The following AP5B1 variants were observed in gnomAD, a reference collection of about 807,000 sequenced individuals.
The protein encoded by AP5B1 is adaptor related protein complex 5 subunit beta 1.
AP5B1 carries 3 observed loss-of-function variants against 5.7 expected under a neutral mutation model. That is an observed-to-expected ratio of 0.53 (90% CI 0.24 to 1.36). The LOEUF is 1.36. Ranked by LOEUF, AP5B1 falls within the 40% of genes most tolerant of loss-of-function variation. The probability of loss-of-function intolerance (pLI) is 0.17; values close to 1 mark genes in which losing one functional copy is unlikely to be tolerated. For missense variants in AP5B1, 1,310 were observed against 1,143.2 expected (o/e 1.15, Z -2.10); for synonymous variants, 696 against 555.5 (o/e 1.25, Z -3.56).
Position 65,780,205 on chromosome 11 carries a change from C to T in AP5B1, c.288G>A (p.Leu96=), listed in dbSNP as rs1857831982. Residue 96 remains leucine (L), a synonymous_variant, in exon 2 of 2, where the codon CTG becomes CTA. Transcript: ENST00000532090. ...CCAGGGCAGTGGTGGCCGCCAGCAGCAGTGGCCGACGGAGAGCTGAGGGCC... is the reference window on the plus strand; with the variant it reads ...CCAGGGCAGTGGTGGCCGCCAGCAGTAGTGGCCGACGGAGAGCTGAGGGCC... ...PPRPSALRRP[L]LLAATTALAA... is the part of the protein sequence containing the mutation. The T allele has an allele frequency of 6.7e-7, 1 of 1,502,128 alleles. No individual in the cohort carries two copies. The highest frequency in any genetic ancestry group is 1.4e-5 in the African/African-American group (1 of 69,562). 93.0% of individuals were successfully genotyped at this position (1,502,128 alleles called of 1,614,324 possible). A position where few individuals can be genotyped will look rare whatever the true frequency, so the allele number is the denominator to read the frequency against.
Position 65,780,508 on chromosome 11 carries a change from C to T in AP5B1, c.84G>A (p.Glu28=), listed in dbSNP as rs1211188870. The change falls in exon 1 of 2, where the codon GAG becomes GAA. Residue 28 remains glutamate (E), a synonymous_variant. Coordinates refer to ENST00000532090, the MANE Select transcript of AP5B1 (RefSeq NM_138368.5). Reference sequence around the variant, plus strand: ...GCAGGTCGCGACCCAAATCCTCCCCCTCGGGACCTGCCATGAAGGCAGACG... The same window carrying T: ...GCAGGTCGCGACCCAAATCCTCCCCTTCGGGACCTGCCATGAAGGCAGACG... The part of the protein sequence containing the change: ...ASPSAFMAGP[E]GEDLGRDLLS... 2.6e-6 allele frequency: 4 copies of T among 1,519,936 alleles called. No homozygotes were observed. The highest frequency in any genetic ancestry group is 3.5e-6 in the Non-Finnish European group (4 of 1,140,648). 94.2% of individuals were successfully genotyped at this position (1,519,936 alleles called of 1,614,324 possible).
chr11:65,779,246 A>C lies in AP5B1; in HGVS notation c.1247T>G (p.Leu416Arg). 6.3e-7 allele frequency: 1 copy of C among 1,593,462 alleles called. No homozygotes were observed. Among genetic ancestry groups the C allele is most frequent in the Non-Finnish European group, 8.6e-7 (1 of 1,168,876 alleles). The change falls in exon 2 of 2, where the codon CTG becomes CGG. Residue 416 changes from leucine (L) to arginine (R), a missense_variant. Coordinates refer to ENST00000532090, the MANE Select transcript of AP5B1 (RefSeq NM_138368.5). ...GGCACAGAGCAGGCACAGTAAATGCAGGCGGGCCAGGAGGGCCATTGGGTC... is the reference window on the plus strand; with the variant it reads ...GGCACAGAGCAGGCACAGTAAATGCCGGCGGGCCAGGAGGGCCATTGGGTC... Reference protein sequence around the residue: ...LHDPMALLARLHLLCLLCAEE... With the variant: ...LHDPMALLARRHLLCLLCAEE...
chr11:65,780,013 G>A lies in AP5B1; in HGVS notation c.480C>T (p.Cys160=). 1 of 1,562,228 alleles carries A rather than the reference G, an allele frequency of 6.4e-7. No homozygotes were observed. The highest frequency in any genetic ancestry group is 8.7e-7 in the Non-Finnish European group (1 of 1,153,728). ...GGGAGCCCCCCAGCAGCCCGGGCTT[G>A]CAGCTCTCTAGCTCTCGCAGGCACT... ...ACECLRELES[C]KPGLLGGSLG... The change falls in exon 2 of 2, where the codon TGC becomes TGT. Residue 160 remains cysteine (C), a synonymous_variant. Transcript: ENST00000532090.
chr11:65,780,597 G>T lies in AP5B1; in HGVS notation c.-6C>A. 7.0e-7 allele frequency: 1 copy of T among 1,433,912 alleles called. No homozygotes were observed. The highest frequency in any genetic ancestry group is 9.1e-7 in the Non-Finnish European group (1 of 1,095,844). The allele number at this position is 1,433,912 out of a possible 1,614,324, so 88.8% of individuals were successfully genotyped here. On this transcript the variant is annotated 5_prime_UTR_variant, in exon 1 of 2. Coordinates refer to ENST00000532090, the MANE Select transcript of AP5B1 (RefSeq NM_138368.5). The stretch of plus-strand genomic sequence containing the variant: ...TCCCGGCTCAGGGGCCCCATGGTGA[G>T]GCGCGCGGGCCCCTGCGCAGGGAAG...
Position 65,780,021 on chromosome 11 carries a change from C to T in AP5B1, c.472G>A (p.Glu158Lys). The change falls in exon 2 of 2, where the codon GAG becomes AAG. Residue 158 changes from glutamate (E) to lysine (K), a missense_variant. Coordinates refer to ENST00000532090, the MANE Select transcript of AP5B1 (RefSeq NM_138368.5). ...ATACECLREL[E>K]SCKPGLLGGS... ...CCCAGCAGCCCGGGCTTGCAGCTCT[C>T]TAGCTCTCGCAGGCACTCGCAGGCC... The T allele has an allele frequency of 1.3e-6, 2 of 1,559,226 alleles. No individual in the cohort carries two copies. The highest frequency in any genetic ancestry group is 1.7e-6 in the Non-Finnish European group (2 of 1,152,112).
Position 65,779,143 on chromosome 11 carries a change from C to G in AP5B1, c.1350G>C (p.Gln450His). ...GGGGGCCCCCATCCAGGGCTGCCCG[C>G]TGCCGCAAGCCAGCCAGCAGCTCTT... Reference protein sequence around the residue: ...YLEELLAGLRQRAALDGGPRA... With the variant: ...YLEELLAGLRHRAALDGGPRA... Residue 450 changes from glutamine (Q) to histidine (H), a missense_variant, in exon 2 of 2, where the codon CAG (glutamine) becomes CAC (histidine). By Grantham distance (24) the Gln-to-His change is conservative. Coordinates refer to ENST00000532090, the MANE Select transcript of AP5B1 (RefSeq NM_138368.5). The G allele has an allele frequency of 6.2e-7, 1 of 1,610,100 alleles. No homozygotes were observed. Among genetic ancestry groups the G allele is most frequent in the Non-Finnish European group, 8.5e-7 (1 of 1,178,796 alleles).
At position 65,780,690 on chromosome 11, in the gene AP5B1, C is replaced by G; in HGVS notation, c.-99G>C. 8.2e-7 allele frequency: 1 copy of G among 1,214,968 alleles called. No individual in the cohort carries two copies. The highest frequency in any genetic ancestry group is 1.0e-6 in the Non-Finnish European group (1 of 962,274). 75.3% of individuals were successfully genotyped at this position (1,214,968 alleles called of 1,614,324 possible). On this transcript the variant is annotated 5_prime_UTR_variant, in exon 1 of 2. Transcript: ENST00000532090. ...GCCGACCCCGAGGGGCTGCGGTCAC[C>G]CCCAGACGCCGCGCAGATGCCGGCG...
rs1857786501 is a variant in AP5B1 at position 65,777,985 on chromosome 11, C to T, written c.2508G>A (p.Pro836=). The change falls in exon 2 of 2, where the codon CCG becomes CCA. Residue 836 remains proline, a synonymous_variant. Coordinates refer to ENST00000532090, the MANE Select transcript of AP5B1 (RefSeq NM_138368.5). ...CCAGCCGCAGCAGCAGCTTTGAGTC[C>T]GGGGGCAGGTGGATTGCTACACAGT... is the stretch of plus-strand genomic sequence containing the variant. ...TSYCVAIHLP[P]DSKLLLRLEA... 6 of 1,609,046 alleles carry T rather than the reference C, an allele frequency of 3.7e-6. No homozygotes were observed. Among genetic ancestry groups the T allele is most frequent in the Non-Finnish European group, 5.1e-6 (6 of 1,178,322 alleles).
rs758246233 is a variant in AP5B1, at chr11:65,779,458, C to A, written c.1035G>T (p.Ala345=). The part of the protein sequence containing the change: ...GEALFTAQDE[A]LLLRRLTLAA... ...CCAAGGTGAGCCGGCGGAGCAGCAACGCTTCATCCTGGGCTGTGAACAAGG... is the reference window on the plus strand; with the variant it reads ...CCAAGGTGAGCCGGCGGAGCAGCAAAGCTTCATCCTGGGCTGTGAACAAGG... The change falls in exon 2 of 2, where the codon GCG becomes GCT. Residue 345 remains alanine (A), a synonymous_variant. Coordinates refer to ENST00000532090, the MANE Select transcript of AP5B1 (RefSeq NM_138368.5). 180 of 1,605,112 alleles carry A rather than the reference C, an allele frequency of 1.1e-4. No individual in the cohort carries two copies. Among genetic ancestry groups the A allele is most frequent in the Non-Finnish European group, 1.4e-4 (169 of 1,176,492 alleles).
Position 65,780,037 on chromosome 11 carries a change from C to T in AP5B1, c.456G>A (p.Glu152=), listed in dbSNP as rs1175055201. Reference sequence around the variant, plus strand: ...TGCAGCTCTCTAGCTCTCGCAGGCACTCGCAGGCCGTGGCCTGCAAGGGGC... The same window carrying T: ...TGCAGCTCTCTAGCTCTCGCAGGCATTCGCAGGCCGTGGCCTGCAAGGGGC... ...EQRPLQATAC[E]CLRELESCKP... The change falls in exon 2 of 2, where the codon GAG becomes GAA. Residue 152 remains glutamate (E), a synonymous_variant. Coordinates refer to ENST00000532090, the MANE Select transcript of AP5B1 (RefSeq NM_138368.5). 1.9e-6 allele frequency: 3 copies of T among 1,554,694 alleles called. No individual in the cohort carries two copies. The highest frequency in any genetic ancestry group is 2.6e-6 in the Non-Finnish European group (3 of 1,149,728).
rs375089955 is a variant in AP5B1, at chr11:65,778,635, C to A, written c.1858G>T (p.Ala620Ser). The change falls in exon 2 of 2, where the codon GCA becomes TCA. Residue 620 changes from alanine (A) to serine (S), a missense_variant. Coordinates refer to ENST00000532090, the MANE Select transcript of AP5B1 (RefSeq NM_138368.5). Reference sequence around the variant, plus strand: ...CCCAACTTGGGTGCTGCCAGGTGTGCCAGCAGGATGTAGTAGAGGCGGGCG... The same window carrying A: ...CCCAACTTGGGTGCTGCCAGGTGTGACAGCAGGATGTAGTAGAGGCGGGCG... ...DHARLYYILL[A>S]HLAAPKLGVA... is the part of the protein sequence containing the mutation. The A allele has an allele frequency of 6.3e-7, 1 of 1,595,002 alleles. No homozygotes were observed. Among genetic ancestry groups the A allele is most frequent in the Non-Finnish European group, 8.5e-7 (1 of 1,172,632 alleles).
chr11:65,779,728 T>G lies in AP5B1; in HGVS notation c.765A>C (p.Thr255=), dbSNP rs369823451. 769 of 1,606,640 alleles carry G rather than the reference T, an allele frequency of 4.8e-4. 5 individuals are homozygous for G. In the Middle Eastern group the frequency reaches 0.017, roughly 36 times the overall value. The change falls in exon 2 of 2, where the codon ACA becomes ACC. Residue 255 remains threonine, a synonymous_variant. Transcript: ENST00000532090. ...CCTCCTCAGGGCTGTGCTCTCGTGC[T>G]GTAAGGCTACGCTCCCCCTCTCCCT... The part of the protein sequence containing the change: ...AEEGEGERSL[T]AREHSPEEAR...
rs1429259550 is a variant in AP5B1, at chr11:65,779,134, G to A, written c.1359C>T (p.Ala453=). Residue 453 remains alanine, a synonymous_variant, in exon 2 of 2, where the codon GCC becomes GCT. Transcript: ENST00000532090. ...CCAAGGCCCGGGGGCCCCCATCCAGGGCTGCCCGCTGCCGCAAGCCAGCCA... is the reference window on the plus strand; with the variant it reads ...CCAAGGCCCGGGGGCCCCCATCCAGAGCTGCCCGCTGCCGCAAGCCAGCCA... ...ELLAGLRQRA[A]LDGGPRALAT... 5.0e-6 allele frequency: 8 copies of A among 1,609,200 alleles called. No individual in the cohort carries two copies. Among genetic ancestry groups the A allele is most frequent in the Non-Finnish European group, 6.8e-6 (8 of 1,178,478 alleles).
Position 65,777,296 on chromosome 11 carries a change from G to C in AP5B1, c.*560C>G, listed in dbSNP as rs1187167239. ...TTCTGGAGAGCACTAGTGTGTCTGG[G>C]TGAGAAGGAACTCTGTAGCTCTACA... On this transcript the variant is annotated 3_prime_UTR_variant, in exon 2 of 2. Coordinates refer to ENST00000532090, the MANE Select transcript of AP5B1 (RefSeq NM_138368.5). 12 of 152,976 alleles carry C rather than the reference G, an allele frequency of 7.8e-5. No homozygotes were observed. The highest frequency in any genetic ancestry group is 7.8e-4 in the Admixed American group (12 of 15,330). The allele number at this position is 152,976 out of a possible 1,614,324, so 9.5% of individuals were successfully genotyped here. A position where few individuals can be genotyped will look rare whatever the true frequency, so the allele number is the denominator to read the frequency against.
chr11:65,779,872 C>G lies in AP5B1; in HGVS notation c.621G>C (p.Leu207=), dbSNP rs375738465. The G allele has an allele frequency of 6.3e-7, 1 of 1,596,020 alleles. No homozygotes were observed. Among genetic ancestry groups the G allele is most frequent in the Admixed American group, 1.7e-5 (1 of 57,868 alleles). The change falls in exon 2 of 2, where the codon CTG becomes CTC. Residue 207 remains leucine, a synonymous_variant. Coordinates refer to ENST00000532090, the MANE Select transcript of AP5B1 (RefSeq NM_138368.5). ...LVLQSRVGAG[L]GGLLTDKVSP... is the part of the protein sequence containing the mutation. ...AGACCTTATCCGTGAGCAGTCCCCC[C>G]AGGCCAGCCCCAACCCGGGACTGGA...
chr11:65,778,125 G>A lies in AP5B1; in HGVS notation c.2368C>T (p.Leu790=). 6.2e-7 allele frequency: 1 copy of A among 1,612,886 alleles called. No homozygotes were observed. The highest frequency in any genetic ancestry group is 8.5e-7 in the Non-Finnish European group (1 of 1,179,886). Residue 790 remains leucine, a synonymous_variant, in exon 2 of 2, where the codon CTG becomes TTG. Coordinates refer to ENST00000532090, the MANE Select transcript of AP5B1 (RefSeq NM_138368.5). ...ACACGACTCTCAGCACCCTCTGGCA[G>A]GCAGGAATCCCAGAGCTCCTCAAAG... The part of the protein sequence containing the change: ...GFFEELWDSC[L]PEGAESRVWC...
chr11:65,775,892 CTTT>C lies in AP5B1; in HGVS notation c.*1961_*1963del, dbSNP rs1005912068. ...ACAGTACCACTGTCCCAGGCCCTTT[CTTT>C]TTTTTCTTTTTTTGAGACAGAGCCT... On this transcript the variant is annotated 3_prime_UTR_variant, in exon 2 of 2. Transcript: ENST00000532090. The C allele has an allele frequency of 1.1e-4, 16 of 151,934 alleles. No individual in the cohort carries two copies. Among genetic ancestry groups the C allele is most frequent in the South Asian group, 6.2e-4 (3 of 4,802 alleles). 9.4% of individuals were successfully genotyped at this position (151,934 alleles called of 1,614,324 possible).
rs199810942 is a variant in AP5B1, at chr11:65,779,841, T to C, written c.652A>G (p.Thr218Ala). Reference protein sequence around the residue: ...GGLLTDKVSPTGGGPWDWTLV... With the variant: ...GGLLTDKVSPAGGGPWDWTLV... The stretch of plus-strand genomic sequence containing the variant: ...GTCCAATCCCAGGGACCACCCCCAG[T>C]TGGGGAGACCTTATCCGTGAGCAGT... The change falls in exon 2 of 2, where the codon ACT becomes GCT. Residue 218 changes from threonine to alanine, a missense_variant. Thr to Ala is a moderately conservative substitution (Grantham distance 58). Transcript: ENST00000532090. 209 of 1,594,630 alleles carry C rather than the reference T, an allele frequency of 1.3e-4. No homozygotes were observed. In the African/African-American group the frequency reaches 1.5e-3, roughly 11 times the overall value.
At position 65,780,202 on chromosome 11, in the gene AP5B1, C is replaced by T. The variant is rs1206805364; in HGVS notation, c.291G>A (p.Leu97=). The T allele has an allele frequency of 3.3e-6, 5 of 1,498,870 alleles. No homozygotes were observed. Among genetic ancestry groups the T allele is most frequent in the Non-Finnish European group, 4.4e-6 (5 of 1,127,072 alleles). The allele number at this position is 1,498,870 out of a possible 1,614,324, so 92.8% of individuals were successfully genotyped here. Residue 97 remains leucine (L), a synonymous_variant, in exon 2 of 2, where the codon CTG becomes CTA. Coordinates refer to ENST00000532090, the MANE Select transcript of AP5B1 (RefSeq NM_138368.5). ...CCGCCAGGGCAGTGGTGGCCGCCAGCAGCAGTGGCCGACGGAGAGCTGAGG... is the reference window on the plus strand; with the variant it reads ...CCGCCAGGGCAGTGGTGGCCGCCAGTAGCAGTGGCCGACGGAGAGCTGAGG... The part of the protein sequence containing the change: ...PRPSALRRPL[L]LAATTALAAG...
Sources: gnomAD v4.1 joint callset for allele counts on GRCh38, gnomAD v4.1.1 for gene constraint, MANE v1.5 for transcripts, NCBI Gene and HGNC (gene_info 2026-07-23, HGNC 2026-07-21) for gene names.